GABRG3: variants seen among roughly 807,000 people sequenced by gnomAD.
GABRG3 encodes the protein gamma-aminobutyric acid receptor subunit gamma-3.
In GABRG3, 25 loss-of-function variants were observed where a neutral mutation model predicts 48.8. The ratio of observed to expected loss-of-function variants is 0.51; its 90% CI spans 0.37 to 0.72. GABRG3 has a LOEUF of 0.72. Ranked by LOEUF, GABRG3 falls within the 30% of genes least tolerant of loss-of-function variation. GABRG3 has a pLI of 0.00. For synonymous variants in GABRG3, 227 were observed against 217.6 expected (o/e 1.04, Z -0.38); for missense variants, 394 against 577.9 (o/e 0.68, Z 3.26).
chr15:27,025,333 C>T (rs1317014324), intron 2 of GABRG3, among the ~76,000 whole-genome samples: 2 of 152,192 alleles, frequency 1.3e-5, no homozygotes, highest in Non-Finnish European at 2.9e-5. Flanking sequence ...TTTGGTATAG[C>T]ATAATCAAAG....
At chr15:27,146,168 T>G (rs965700437) in intron 3 of GABRG3, among the ~76,000 whole-genome samples, 1 of 152,076 alleles carries the variant, frequency 6.6e-6, no homozygotes, top group East Asian at 1.9e-4. Flanking sequence ...CGTTAAGAAA[T>G]AACCTGCCAG....
At chr15:27,339,063 A>G (rs903084368) in intron 5 of GABRG3, among the ~76,000 whole-genome samples, 16 of 152,142 alleles carry the variant, frequency 1.1e-4, no homozygotes, top group African/African-American at 3.9e-4. Context: ...GTGGCAGGAA[A>G]GGAGCATACT....
chr15:27,334,468 C>T (rs1215852792), intron 5 of GABRG3, among the ~76,000 whole-genome samples: 1 of 152,110 alleles, frequency 6.6e-6, no homozygotes, highest in East Asian at 1.9e-4. Flanking sequence ...GTTGAGATGC[C>T]ATTCCTTTAA....
intron 5 of GABRG3, chr15:27,364,176 G>C (rs919165362): frequency 2.0e-5 from 3 of 152,174 alleles, no homozygotes; most frequent in African/African-American, 7.2e-5. Flanking sequence ...CTTGCATTAT[G>C]AAAACCTCCT....
At chr15:27,018,728 C>T (rs145413214) in intron 2 of GABRG3, among the ~76,000 whole-genome samples, 1,540 of 152,210 alleles carry the variant, frequency 0.01, 34 homozygotes, top group African/African-American at 0.035. Context: ...GTGACTTTAC[C>T]GTCTCAGGGC....
At chr15:26,981,880 C>G (rs1329007776) in intron 2 of GABRG3, among the ~76,000 whole-genome samples, 1 of 152,196 alleles carries the variant, frequency 6.6e-6, no homozygotes, top group African/African-American at 2.4e-5. Flanking sequence ...TAGAACTATG[C>G]TGATTCCAGT....
At chr15:27,274,421 G>T (rs1009309561) in intron 3 of GABRG3, among the ~76,000 whole-genome samples, 1 of 152,110 alleles carries the variant, frequency 6.6e-6, no homozygotes, top group Non-Finnish European at 1.5e-5. Context: ...GGCAGGGAAG[G>T]TCAAAGGGGA....
intron 5 of GABRG3, chr15:27,363,820 T>C (rs779466264): frequency 2.0e-5 from 3 of 152,196 alleles, no homozygotes; most frequent in Admixed American, 6.5e-5. Context: ...TAGACTTACA[T>C]TGCAGGAGCG....
chr15:27,190,054 C>G (rs1178043330), intron 3 of GABRG3, among the ~76,000 whole-genome samples: 2 of 152,152 alleles, frequency 1.3e-5, no homozygotes, highest in African/African-American at 2.4e-5. Flanking sequence ...ATTGAACCAG[C>G]CTTGCATCCC....
chr15:27,361,156 AG>A (rs1566805444), intron 5 of GABRG3, among the ~76,000 whole-genome samples: 1 of 152,178 alleles, frequency 6.6e-6, no homozygotes, highest in East Asian at 1.9e-4. Flanking sequence ...GGCACGAGAG[AG>A]CAGGGTACTT....
intron 3 of GABRG3, among the ~76,000 whole-genome samples, chr15:27,280,811 T>TA (rs1891409027): frequency 6.6e-6 from 1 of 152,214 alleles, no homozygotes; most frequent in Non-Finnish European, 1.5e-5. Context: ...TTGGTGATGG[T>TA]AAATTCTACA....
chr15:27,198,245 A>G (rs1054975633), intron 3 of GABRG3, among the ~76,000 whole-genome samples: 2 of 152,248 alleles, frequency 1.3e-5, no homozygotes, highest in Admixed American at 6.5e-5. Flanking sequence ...TTTGCAGTCT[A>G]TCCATCTGAC....
chr15:27,532,566 A>G (rs182399278), intron 9 of GABRG3, 34 bp from the exon 10 acceptor site: 2 of 1,602,882 alleles, frequency 1.2e-6, no homozygotes, highest in African/African-American at 2.7e-5. Context: ...ATTGCATTTT[A>G]CAATGGTTGT....
intron 3 of GABRG3, among the ~76,000 whole-genome samples, chr15:27,099,352 G>T (rs1227280945): frequency 6.6e-6 from 1 of 152,148 alleles, no homozygotes; most frequent in Non-Finnish European, 1.5e-5. Flanking sequence ...GGAAGTCCAA[G>T]ATCATCAGGT....
At chr15:27,090,664 A>G (rs1416780526) in intron 3 of GABRG3, among the ~76,000 whole-genome samples, 1 of 152,216 alleles carries the variant, frequency 6.6e-6, no homozygotes, top group African/African-American at 2.4e-5. Flanking sequence ...GTGTTTTAAA[A>G]AAATGTTTCA....
In GABRG3 at chr15:27,217,046, C is replaced by T. The variant is rs557307772; in HGVS notation, c.271-109763C>T. Among the ~76,000 whole-genome samples the T allele has an allele frequency of 9.5e-3, 1,379 of 144,576 alleles. 16 individuals carry two copies. Among genetic ancestry groups the T allele is most frequent in the Middle Eastern group, 0.021 (6 of 282 alleles). The allele number at this position is 144,576 out of a possible 152,430, so 94.8% of individuals were successfully genotyped here. ...TGCGGTGTTTGGTTTTTTGTTATTG[C>T]GATAGTTTACTGAGAATGATGGTTT... On this transcript the variant is annotated intron_variant, in intron 3 of 9. Transcript: ENST00000615808.
At chr15:27,181,589 ACT>A (rs1403068150) in intron 3 of GABRG3, among the ~76,000 whole-genome samples, 1 of 152,004 alleles carries the variant, frequency 6.6e-6, no homozygotes, top group Non-Finnish European at 1.5e-5. Context: ...AAGCCATCTG[ACT>A]CTACTCGTAC....
chr15:27,015,048 G>A (rs372396529), intron 2 of GABRG3, among the ~76,000 whole-genome samples: 5 of 152,076 alleles, frequency 3.3e-5, no homozygotes, highest in African/African-American at 1.2e-4. Context: ...GACAGTTTTT[G>A]ACTTAAAATC....
At chr15:27,132,471 GTTTTTTTTTTTT>G (rs59023766) in intron 3 of GABRG3, among the ~76,000 whole-genome samples, 9 of 39,592 alleles carry the variant, frequency 2.3e-4, no homozygotes, top group Admixed American at 2.1e-3. Context: ...AGTAGTTACA[GTTTTTTTTTTTT>G]TTTTTTTTTT....
Sources: allele counts gnomAD v4.1 joint callset (sites outside exome capture counted in the v4.1 genomes callset), GRCh38; gene constraint gnomAD v4.1.1; transcripts MANE v1.5; gene names NCBI Gene and HGNC (gene_info 2026-07-23, HGNC 2026-07-21).